LMLN: variants seen among roughly 807,000 people sequenced by gnomAD.
LMLN encodes the protein leishmanolysin-like peptidase.
In LMLN, 70 loss-of-function variants were observed where a neutral mutation model predicts 92.3. That is an observed-to-expected ratio of 0.76 (90% CI 0.63 to 0.92). The LOEUF is 0.92. Among genes scored for constraint, LMLN ranks in the 40% least tolerant of loss-of-function variants. LMLN has a pLI of 0.00. For synonymous variants in LMLN, 308 were observed against 296.2 expected (o/e 1.04, Z -0.41); for missense variants, 691 against 814.6 (o/e 0.85, Z 1.85).
intron 11 of LMLN, among the ~76,000 whole-genome samples, chr3:198,001,433 C>T (rs557260609): frequency 2.6e-5 from 4 of 152,162 alleles, no homozygotes; most frequent in Non-Finnish European, 4.4e-5. Context: ...AGATATTCTG[C>T]GCTCATCGAC....
Position 197,976,567 on chromosome 3 carries a change from A to G in LMLN, c.432-31A>G, listed in dbSNP as rs747263599. On this transcript the variant is annotated intron_variant, in intron 4 of 15. Transcript: ENST00000330198. ...TGCTATAAAATATTCTCTTTTTTGT[A>G]TTTAAACTTTGATGTACAAATGGAC... 1.0e-5 allele frequency: 13 copies of G among 1,250,140 alleles called. No individual in the cohort carries two copies. In the Admixed American group the frequency reaches 1.9e-4, roughly 19 times the overall value. 77.4% of individuals were successfully genotyped at this position (1,250,140 alleles called of 1,614,324 possible).
At chr3:197,985,701 A>G in intron 7 of LMLN, 95 bp from the exon 8 acceptor site, 2 of 725,950 alleles carry the variant, frequency 2.8e-6, no homozygotes, top group Non-Finnish European at 4.7e-6. Flanking sequence ...TGGTGCTTCT[A>G]CGTTCCCGTT....
intron 11 of LMLN, among the ~76,000 whole-genome samples, chr3:198,000,857 C>T (rs1015413251): frequency 6.6e-6 from 1 of 152,188 alleles, no homozygotes; most frequent in Non-Finnish European, 1.5e-5. Context: ...CTTCATGAAA[C>T]AATACTTACC....
At chr3:197,977,954 G>A (rs923981037) in intron 5 of LMLN, among the ~76,000 whole-genome samples, 1 of 151,314 alleles carries the variant, frequency 6.6e-6, no homozygotes, top group Non-Finnish European at 1.5e-5. Flanking sequence ...GTTAAATCTG[G>A]ATACATATAA....
At chr3:198,010,576 A>G (rs542801046) in intron 11 of LMLN, among the ~76,000 whole-genome samples, 16 of 152,170 alleles carry the variant, frequency 1.1e-4, no homozygotes, top group African/African-American at 3.4e-4. Flanking sequence ...TCAGCCTTTC[A>G]AGTAGCTGGG....
rs4058 is a variant in LMLN at position 198,042,253 on chromosome 3, C to T, written c.*3586C>T. The T allele has an allele frequency of 0.19, 28,537 of 151,798 alleles. 4,265 individuals are homozygous for T. Among genetic ancestry groups the T allele is most frequent in the African/African-American group, 0.42 (17,220 of 41,288 alleles). 9.4% of individuals were successfully genotyped at this position (151,798 alleles called of 1,614,324 possible). On this transcript the variant is annotated 3_prime_UTR_variant, in exon 16 of 16. Transcript: ENST00000330198. The surrounding 1 kb of genome is among the most constrained non-coding windows in gnomAD (Gnocchi z 4.2). ...TCACTTTGAATATGGTAGTGGTGGG[C>T]GCGGTGACTGAAGCCTGTAATCTCA...
intron 11 of LMLN, among the ~76,000 whole-genome samples, chr3:198,013,356 C>T (rs370046909): frequency 9.1e-4 from 45 of 49,390 alleles, no homozygotes; most frequent in Admixed American, 1.8e-3. Context: ...CTCTCCACCC[C>T]TCAGAGCCCC....
At chr3:197,975,180 A>G (rs750035854) in intron 3 of LMLN, 108 bp downstream of exon 3, 5 of 620,430 alleles carry the variant, frequency 8.1e-6, no homozygotes, top group Non-Finnish European at 1.4e-5. Flanking sequence ...ACTGAATGAA[A>G]GGTGTTGGTA....
intron 11 of LMLN, among the ~76,000 whole-genome samples, chr3:198,016,162 G>A (rs1380926682): frequency 6.8e-6 from 1 of 147,640 alleles, no homozygotes; most frequent in African/African-American, 2.5e-5. Flanking sequence ...CTGCACTCCA[G>A]TGTGGGTGAC....
intron 13 of LMLN, 101 bp downstream of exon 14, chr3:198,021,706 T>C: frequency 9.8e-7 from 1 of 1,021,624 alleles, no homozygotes; most frequent in Non-Finnish European, 1.4e-6. Flanking sequence ...CAGGACTGTC[T>C]GAATTTGCTT....
intron 14 of LMLN, among the ~76,000 whole-genome samples, 172 bp from the exon 16 acceptor site, chr3:198,035,661 A>C (rs1723200045): frequency 6.6e-6 from 1 of 152,194 alleles, no homozygotes; most frequent in Non-Finnish European, 1.5e-5. Flanking sequence ...CGCCCGGCCA[A>C]CTTAACTCTT....
At chr3:197,981,494 A>T (rs974169376) in intron 6 of LMLN, among the ~76,000 whole-genome samples, 2 of 152,260 alleles carry the variant, frequency 1.3e-5, no homozygotes, top group African/African-American at 4.8e-5. Flanking sequence ...CTGTGAAGAA[A>T]GGTGTTAATA....
chr3:197,974,349 C>T (rs766485001), intron 1 of LMLN, 28 bp from the exon 2 acceptor site: 2 of 1,203,880 alleles, frequency 1.7e-6, no homozygotes, highest in South Asian at 1.3e-5. Flanking sequence ...ATGTCTTAAA[C>T]AGTTTTCAAA....
intron 2 of LMLN, among the ~76,000 whole-genome samples, chr3:197,974,751 C>T (rs1721321255): frequency 6.6e-6 from 1 of 152,188 alleles, no homozygotes; most frequent in Non-Finnish European, 1.5e-5. Context: ...TGGATGTGGA[C>T]AGTAACAGAC....
intron 1 of LMLN, among the ~76,000 whole-genome samples, chr3:197,961,065 A>G (rs914030926): frequency 1.3e-5 from 2 of 152,110 alleles, no homozygotes; most frequent in African/African-American, 4.8e-5. Flanking sequence ...CTCATTTCAA[A>G]TTCCCTAACC....
At chr3:197,966,282 T>G (rs1581126483) in intron 1 of LMLN, among the ~76,000 whole-genome samples, 1 of 152,278 alleles carries the variant, frequency 6.6e-6, no homozygotes, top group East Asian at 1.9e-4. Flanking sequence ...CCTCAAGTGA[T>G]CCACCCGCCT....
At chr3:198,015,357 C>T (rs866534398) in intron 11 of LMLN, among the ~76,000 whole-genome samples, 38 of 29,250 alleles carry the variant, frequency 1.3e-3, no homozygotes, top group African/African-American at 6.2e-3. Flanking sequence ...CTCCACCCTT[C>T]AGAGCCCCCT....
intron 11 of LMLN, among the ~76,000 whole-genome samples, chr3:198,014,465 C>T (rs369189821): frequency 7.6e-6 from 1 of 131,276 alleles, no homozygotes; most frequent in Non-Finnish European, 1.6e-5. Flanking sequence ...TCTCTCCACC[C>T]TTCAGAGCCC....
rs75504638 is a variant in LMLN at position 198,031,009 on chromosome 3, C to T, written c.1657-4824C>T. Among the ~76,000 whole-genome samples the T allele has an allele frequency of 3.9e-5, 6 of 152,238 alleles. No individual in the cohort carries two copies. The highest frequency in any genetic ancestry group is 2.1e-4 in the South Asian group (1 of 4,820). ...TTTCCACCGTGACGCCTGCTGACAG[C>T]GTGGGAAGGCGGGACCTCACCTCTG... On this transcript the variant is annotated intron_variant, in intron 14 of 15. Coordinates refer to ENST00000330198, the Ensembl canonical transcript of LMLN. This position sits in a 1 kb window ranked among gnomAD's most constrained non-coding sequence, Gnocchi z 4.8.
Sources: gnomAD v4.1 joint callset for allele counts (sites outside exome capture counted in the v4.1 genomes callset) on GRCh38, gnomAD v4.1.1 for gene constraint, Gnocchi (gnomAD v3.1) non-coding constraint, MANE v1.5 for transcripts, NCBI Gene and HGNC (gene_info 2026-07-23, HGNC 2026-07-21) for gene names.